The following SAXO1 variants were observed in gnomAD, a reference collection of about 807,000 sequenced individuals.
SAXO1 encodes the protein stabilizer of axonemal microtubules 1, also known as 4930500O09Rik.
SAXO1 carries 21 observed loss-of-function variants against 17.5 expected under a neutral mutation model. The observed-to-expected ratio is 1.20, with a 90% CI of 0.85 to 1.72. The LOEUF (loss-of-function observed/expected upper bound fraction) is 1.72. Among genes scored for constraint, SAXO1 ranks in the 40% most tolerant of loss-of-function variants. The probability of loss-of-function intolerance (pLI) is 0.00; values close to 1 mark genes in which losing one functional copy is unlikely to be tolerated. For synonymous variants in SAXO1, 274 were observed against 216.5 expected (o/e 1.27, Z -2.33); for missense variants, 843 against 596.0 (o/e 1.41, Z -4.32).
At chr9:18,981,106 G>A (rs1217737934) in intron 1 of SAXO1, among the ~76,000 whole-genome samples, 2 of 152,138 alleles carry the variant, frequency 1.3e-5, no homozygotes, top group South Asian at 2.1e-4. Context: ...GGAAACTCTG[G>A]AAATAAACCT....
chr9:18,967,599 C>G (rs1487984697), intron 1 of SAXO1, among the ~76,000 whole-genome samples: 1 of 152,184 alleles, frequency 6.6e-6, no homozygotes, highest in Non-Finnish European at 1.5e-5. Flanking sequence ...CTCCCCCAAC[C>G]AAGCTCGAGT....
At chr9:18,955,794 C>A (rs947990125) in intron 1 of SAXO1, among the ~76,000 whole-genome samples, 1 of 152,188 alleles carries the variant, frequency 6.6e-6, no homozygotes, top group Middle Eastern at 3.4e-3. Context: ...TCAATGCCAC[C>A]ACTCCCACCC....
intron 1 of SAXO1, among the ~76,000 whole-genome samples, chr9:18,974,127 A>G (rs1004356602): frequency 6.6e-6 from 1 of 152,214 alleles, no homozygotes; most frequent in African/African-American, 2.4e-5. Context: ...CAGGAGAGGC[A>G]TCCAAAATAG....
Position 19,038,496 on chromosome 9 carries a change from C to T in SAXO1, c.-158+10713G>A, listed in dbSNP as rs535960390. Among the ~76,000 whole-genome samples the T allele has an allele frequency of 2.9e-3, 437 of 151,032 alleles. 2 individuals are homozygous for T. The highest frequency in any genetic ancestry group is 9.7e-3 in the African/African-American group (400 of 41,130). ...ATTGGAAATCATCATTCTCAGTAAA[C>T]TATTGCAAGGACAAAAAACCAAACA... On this transcript the variant is annotated intron_variant, in intron 1 of 3. Transcript: ENST00000542071.
chr9:19,044,787 C>T (rs902701889), intron 1 of SAXO1, among the ~76,000 whole-genome samples: 5 of 150,466 alleles, frequency 3.3e-5, no homozygotes, highest in East Asian at 4.0e-4. Context: ...GGCGTGAACC[C>T]GGGAGGCGGA....
chr9:18,996,800 T>C (rs950092041), intron 1 of SAXO1, among the ~76,000 whole-genome samples: 4 of 151,994 alleles, frequency 2.6e-5, no homozygotes, highest in Non-Finnish European at 2.9e-5. Context: ...TCCCCACATA[T>C]ATAACTTCTA....
At chr9:18,989,930 AT>A (rs1174782471) in intron 1 of SAXO1, among the ~76,000 whole-genome samples, 1 of 152,060 alleles carries the variant, frequency 6.6e-6, no homozygotes, top group African/African-American at 2.4e-5. Context: ...AAAGGAATTA[AT>A]TTTTTTTGAA....
intron 1 of SAXO1, among the ~76,000 whole-genome samples, chr9:19,006,471 T>C (rs985071296): frequency 1.4e-4 from 22 of 152,246 alleles, no homozygotes; most frequent in African/African-American, 5.3e-4. Flanking sequence ...TGCTACAACA[T>C]GAGTGAACCT....
intron 1 of SAXO1, among the ~76,000 whole-genome samples, chr9:19,046,162 G>A (rs545248534): frequency 6.6e-6 from 1 of 150,650 alleles, no homozygotes; most frequent in South Asian, 2.1e-4. Context: ...AGACTAAACG[G>A]GATAAAAACT....
In SAXO1 at chr9:18,931,795, A is replaced by C. The variant is rs761659464; in HGVS notation, c.422-2740T>G. 1.2e-4 allele frequency among the ~76,000 whole-genome samples: 19 copies of C among 152,188 alleles called. No individual in the cohort carries two copies. In the South Asian group the frequency reaches 1.4e-3, roughly 12 times the overall value. Reference sequence around the variant, plus strand: ...AATGATGTTGAGTATCTCTGCATGCACTTATCCGCTCTTCATGTGCTTTCA... The same window carrying C: ...AATGATGTTGAGTATCTCTGCATGCCCTTATCCGCTCTTCATGTGCTTTCA... On this transcript the variant is annotated intron_variant, in intron 3 of 3. Coordinates refer to ENST00000380534, the MANE Select transcript of SAXO1 (RefSeq NM_153707.4).
chr9:18,962,382 G>C (rs6475281), intron 1 of SAXO1, among the ~76,000 whole-genome samples: 84,168 of 152,110 alleles, frequency 0.55, 27,083 homozygotes, highest in Non-Finnish European at 0.72. Flanking sequence ...TTGGGGATTT[G>C]CATTTCTCTA....
chr9:19,012,293 G>T (rs1033043209), intron 1 of SAXO1, among the ~76,000 whole-genome samples: 2 of 152,230 alleles, frequency 1.3e-5, no homozygotes, highest in Non-Finnish European at 2.9e-5. Context: ...CCATCTGGGG[G>T]TTAAGAGCTA....
intron 1 of SAXO1, among the ~76,000 whole-genome samples, chr9:19,022,763 G>A (rs1313149767): frequency 1.3e-5 from 2 of 152,124 alleles, no homozygotes; most frequent in Non-Finnish European, 2.9e-5. Flanking sequence ...GATATATTTT[G>A]CTTAGCAGCT....
intron 1 of SAXO1, among the ~76,000 whole-genome samples, chr9:19,039,483 T>G (rs1249458177): frequency 8.5e-5 from 13 of 152,262 alleles, no homozygotes; most frequent in African/African-American, 3.1e-4. Context: ...CTACTGTACT[T>G]CGTCCCTCAA....
upstream of SAXO1, among the ~76,000 whole-genome samples, chr9:19,036,391 G>A (rs1835939569): frequency 6.6e-6 from 1 of 152,108 alleles, no homozygotes; most frequent in African/African-American, 2.4e-5. Context: ...TGGGGAAAAT[G>A]TCTCCTGGGC....
intron 1 of SAXO1, among the ~76,000 whole-genome samples, chr9:19,011,324 T>C (rs1399928531): frequency 6.6e-6 from 1 of 152,192 alleles, no homozygotes; most frequent in African/African-American, 2.4e-5. Context: ...GAGGCAAGAA[T>C]GGGCACAACC....
At chr9:19,001,203 G>A (rs1483356946) in intron 1 of SAXO1, among the ~76,000 whole-genome samples, 1 of 152,002 alleles carries the variant, frequency 6.6e-6, no homozygotes, top group African/African-American at 2.4e-5. Context: ...AAGCACTCCT[G>A]GGCAAATGTA....
rs148747330 is a variant in SAXO1 at position 18,986,901 on chromosome 9, G to A, written c.39-35964C>T. Among the ~76,000 whole-genome samples, 13 of 152,262 alleles carry A rather than the reference G, an allele frequency of 8.5e-5. No individual in the cohort carries two copies. In the East Asian group the frequency reaches 2.5e-3, roughly 29 times the overall value. ...TCAGCATGACAATTTTCTGACAAAT[G>A]GAAGTAAAATGTATTGAGGAAGGGG... On this transcript the variant is annotated intron_variant, in intron 1 of 3. Transcript: ENST00000380534.
intron 1 of SAXO1, among the ~76,000 whole-genome samples, chr9:18,966,802 T>G (rs1419297273): frequency 6.6e-6 from 1 of 152,190 alleles, no homozygotes; most frequent in African/African-American, 2.4e-5. Context: ...GGAGTTGTGA[T>G]CCTTTGGGGG....
Sources: gnomAD v4.1 joint callset for allele counts (sites outside exome capture counted in the v4.1 genomes callset) on GRCh38, gnomAD v4.1.1 for gene constraint, MANE v1.5 for transcripts, NCBI Gene and HGNC (gene_info 2026-07-23, HGNC 2026-07-21) for gene names.